Variants in CTNNA2 observed in about 807,000 individuals in gnomAD.
CTNNA2 encodes catenin alpha-2.
A neutral mutation model predicts 101.0 loss-of-function variants in CTNNA2; 42 were observed. The observed-to-expected ratio is 0.42, with a 90% CI of 0.32 to 0.54. The LOEUF is 0.54. Among genes scored for constraint, CTNNA2 ranks in the 20% least tolerant of loss-of-function variants. The probability of loss-of-function intolerance (pLI) is 0.14; values close to 1 mark genes in which losing one functional copy is unlikely to be tolerated. For synonymous variants in CTNNA2, 450 were observed against 456.4 expected (o/e 0.99, Z 0.18); for missense variants, 871 against 1,223.1 (o/e 0.71, Z 4.29).
chr2:79,763,318 AG>A (rs1672926082), intron 3 of CTNNA2, among the ~76,000 whole-genome samples: 1 of 152,200 alleles, frequency 6.6e-6, no homozygotes. Context: ...CATCTTGCAC[AG>A]ACCCTGATAT....
At chr2:79,360,803 A>G (rs1677610747) in intron 3 of CTNNA2, among the ~76,000 whole-genome samples, 1 of 152,158 alleles carries the variant, frequency 6.6e-6, no homozygotes, top group Non-Finnish European at 1.5e-5. Flanking sequence ...TTCTCTCTGG[A>G]TATTCAGAGA....
chr2:80,500,664 C>A (rs947256485), intron 9 of CTNNA2, among the ~76,000 whole-genome samples: 1 of 152,142 alleles, frequency 6.6e-6, no homozygotes, highest in Non-Finnish European at 1.5e-5. Flanking sequence ...CTTATACTTC[C>A]TTTTCCCCAC....
chr2:80,421,289 A>G (rs1680506965), intron 9 of CTNNA2, among the ~76,000 whole-genome samples: 2 of 152,200 alleles, frequency 1.3e-5, no homozygotes, highest in Non-Finnish European at 2.9e-5. Flanking sequence ...AGTTTACTGA[A>G]AATATTCATT....
At chr2:79,204,678 C>T (rs912219332) in intron 2 of CTNNA2, among the ~76,000 whole-genome samples, 1 of 152,128 alleles carries the variant, frequency 6.6e-6, no homozygotes, top group Non-Finnish European at 1.5e-5. Flanking sequence ...TCTCATAGTT[C>T]TGGAGGCTGG....
intron 9 of CTNNA2, among the ~76,000 whole-genome samples, chr2:80,506,942 G>T (rs550432547): frequency 1.3e-5 from 2 of 152,272 alleles, no homozygotes; most frequent in Admixed American, 1.3e-4. Context: ...GAGAATACTA[G>T]TATTGCAAAG....
chr2:79,413,721 A>C (rs894577372), intron 4 of CTNNA2, among the ~76,000 whole-genome samples: 3 of 151,930 alleles, frequency 2.0e-5, no homozygotes, highest in African/African-American at 7.2e-5. Context: ...CCTCACCAAC[A>C]CTTGTCATTT....
chr2:80,382,221 T>G (rs1218281716), intron 7 of CTNNA2, among the ~76,000 whole-genome samples: 1 of 152,176 alleles, frequency 6.6e-6, no homozygotes, highest in Non-Finnish European at 1.5e-5. Flanking sequence ...CAATACATAT[T>G]TATATGTACA....
chr2:79,835,891 A>G (rs770216257), intron 3 of CTNNA2, among the ~76,000 whole-genome samples: 32 of 151,874 alleles, frequency 2.1e-4, no homozygotes, highest in Admixed American at 3.9e-4. Context: ...TCGGCATCCC[A>G]AAGTGTCAGA....
At chr2:79,810,637 A>G (rs1676942369) in intron 3 of CTNNA2, among the ~76,000 whole-genome samples, 2 of 151,140 alleles carry the variant, frequency 1.3e-5, no homozygotes, top group Admixed American at 1.3e-4. Context: ...TTAACTCATC[A>G]TTTAGCATTA....
At chr2:79,216,301 TG>T (rs1235819754) in intron 2 of CTNNA2, among the ~76,000 whole-genome samples, 29 of 145,948 alleles carry the variant, frequency 2.0e-4, no homozygotes, top group South Asian at 2.3e-4. Context: ...GGTGGAAGGT[TG>T]CCCATAATGA....
At chr2:80,342,916 G>A (rs529127448) in intron 7 of CTNNA2, among the ~76,000 whole-genome samples, 2 of 152,268 alleles carry the variant, frequency 1.3e-5, no homozygotes, top group African/African-American at 2.4e-5. Flanking sequence ...AAGGTTGTGA[G>A]GGATGGTCTG....
intron 4 of CTNNA2, among the ~76,000 whole-genome samples, chr2:79,452,511 A>T (rs1670767991): frequency 6.6e-6 from 1 of 151,990 alleles, no homozygotes; most frequent in South Asian, 2.1e-4. Flanking sequence ...TAAATATTAT[A>T]GTTAAGAGAG....
chr2:80,021,515 C>G (rs560295254), intron 7 of CTNNA2, among the ~76,000 whole-genome samples: 4 of 152,196 alleles, frequency 2.6e-5, no homozygotes, highest in Admixed American at 2.6e-4. Flanking sequence ...AGACCCTCCT[C>G]AAAGACCACC....
At chr2:79,607,786 C>T (rs1677991081) in intron 1 of CTNNA2, among the ~76,000 whole-genome samples, 1 of 152,082 alleles carries the variant, frequency 6.6e-6, no homozygotes, top group Non-Finnish European at 1.5e-5. Flanking sequence ...AGAAGGGCAA[C>T]TCAGCACCCA....
intron 9 of CTNNA2, among the ~76,000 whole-genome samples, chr2:80,448,296 C>CT (rs1172248450): frequency 6.6e-6 from 1 of 152,200 alleles, no homozygotes; most frequent in Non-Finnish European, 1.5e-5. Flanking sequence ...TAGGGTGATG[C>CT]TTAGCAATAA....
chr2:79,663,141 T>G (rs1201542629), intron 2 of CTNNA2, among the ~76,000 whole-genome samples: 2 of 152,166 alleles, frequency 1.3e-5, no homozygotes, highest in East Asian at 3.9e-4. Flanking sequence ...TTAGCTCTTC[T>G]TTGCTCAGAT....
intron 1 of CTNNA2, chr2:79,573,809 G>A (rs1675617459): frequency 6.6e-6 from 1 of 152,152 alleles, no homozygotes; most frequent in African/African-American, 2.4e-5. Context: ...TGAATTGGTG[G>A]TATAAGGCCT....
chr2:79,733,121 A>T (rs113998792), intron 2 of CTNNA2, among the ~76,000 whole-genome samples: 1 of 152,134 alleles, frequency 6.6e-6, no homozygotes, highest in Non-Finnish European at 1.5e-5. Context: ...TACAAATATA[A>T]TAAGTTTGCT....
intron 7 of CTNNA2, among the ~76,000 whole-genome samples, chr2:80,051,445 C>A (rs1572949102): frequency 6.6e-6 from 1 of 152,110 alleles, no homozygotes; most frequent in South Asian, 2.1e-4. Context: ...TCTTACTCTG[C>A]CAGATAGATC....
Sources: allele counts gnomAD v4.1 joint callset (sites outside exome capture counted in the v4.1 genomes callset), GRCh38; gene constraint gnomAD v4.1.1; transcripts MANE v1.5; gene names NCBI Gene and HGNC (gene_info 2026-07-23, HGNC 2026-07-21).